The following PCDHGA5 variants were observed in gnomAD, a reference collection of about 807,000 sequenced individuals.
PCDHGA5 encodes the protein protocadherin gamma-A5.
PCDHGA5 carries 36 observed loss-of-function variants against 56.7 expected under a neutral mutation model. The observed-to-expected ratio is 0.64, with a 90% CI of 0.49 to 0.84. The LOEUF (loss-of-function observed/expected upper bound fraction) is 0.84, where lower values mean the gene tolerates loss of function less well. PCDHGA5 is among the 40% of genes least tolerant of loss of function. PCDHGA5 has a pLI of 0.00. For missense variants in PCDHGA5, 1,305 were observed against 1,201.5 expected, an observed-to-expected ratio of 1.09 and a Z score of -1.27; for synonymous variants, 563 against 520.2, an observed-to-expected ratio of 1.08 and a Z score of -1.12.
intron 1 of PCDHGA5, among the ~76,000 whole-genome samples, chr5:141,479,077 A>G (rs1393042749): frequency 6.6e-6 from 1 of 152,224 alleles, no homozygotes; most frequent in Non-Finnish European, 1.5e-5. Context: ...ATGAAATGAA[A>G]TTCCAGGCAT....
intron 1 of PCDHGA5, chr5:141,390,412 C>A: frequency 8.3e-7 from 1 of 1,206,056 alleles, no homozygotes; most frequent in Admixed American, 2.5e-5. Flanking sequence ...AAGTTGTAGT[C>A]AGTTAAAAAG....
At chr5:141,389,859 C>A (rs1228335415) in intron 1 of PCDHGA5, 1 of 1,614,076 alleles carries the variant, frequency 6.2e-7, no homozygotes, top group Non-Finnish European at 8.5e-7. Flanking sequence ...TGCCACGTTG[C>A]ACCTGGTCTT....
intron 1 of PCDHGA5, chr5:141,413,721 C>A (rs779673406): frequency 6.2e-7 from 1 of 1,613,592 alleles, no homozygotes. Context: ...ATAAGCACTT[C>A]TCCCTAAGAG....
chr5:141,480,407 C>T (rs906445993), intron 1 of PCDHGA5, among the ~76,000 whole-genome samples: 1 of 139,782 alleles, frequency 7.2e-6, no homozygotes, highest in Admixed American at 7.0e-5. Context: ...AGAGTGAGAC[C>T]CTGTCTCAAA....
At chr5:141,387,213 G>C (rs1279285840) in intron 1 of PCDHGA5, among the ~76,000 whole-genome samples, 4 of 152,128 alleles carry the variant, frequency 2.6e-5, no homozygotes, top group Admixed American at 1.3e-4. Flanking sequence ...ATACTCTCCG[G>C]AAAAAGTTGA....
At position 141,393,547 on chromosome 5, in the gene PCDHGA5, C is replaced by G. The variant is rs761723933; in HGVS notation, c.2421+26796C>G. 11 of 1,613,820 alleles carry G rather than the reference C, an allele frequency of 6.8e-6. No homozygotes were observed. The African/African-American group carries it at 9.3e-5, about 14-fold the overall frequency. On this transcript the variant is annotated intron_variant, in intron 1 of 3. Transcript: ENST00000518069. ...GACAATGCCCCGGTTTTTCCTCACCCGATTTACCGAGTGAAAGTCCTTGAG... is the reference window on the plus strand; with the variant it reads ...GACAATGCCCCGGTTTTTCCTCACCGGATTTACCGAGTGAAAGTCCTTGAG...
At chr5:141,368,749 A>T (rs1765836759) in intron 1 of PCDHGA5, among the ~76,000 whole-genome samples, 1 of 152,194 alleles carries the variant, frequency 6.6e-6, no homozygotes. Flanking sequence ...ATACTTTTAA[A>T]TATCTGAATC....
At chr5:141,409,792 C>T in intron 1 of PCDHGA5, 1 of 1,612,068 alleles carries the variant, frequency 6.2e-7, no homozygotes, top group African/African-American at 1.3e-5. Flanking sequence ...CCTTCGCGCT[C>T]ACGCTGCAGG....
chr5:141,372,601 T>C, intron 1 of PCDHGA5: 1 of 1,614,028 alleles, frequency 6.2e-7, no homozygotes, highest in Non-Finnish European at 8.5e-7. Context: ...TTCAAGACTG[T>C]ACCTGGAGTT....
At chr5:141,415,366 G>T in intron 1 of PCDHGA5, 1 of 1,614,252 alleles carries the variant, frequency 6.2e-7, no homozygotes, top group South Asian at 1.1e-5. Flanking sequence ...CCTGCTGCAG[G>T]CTTCAGGAGG....
At chr5:141,430,373 A>G (rs1456234962) in intron 1 of PCDHGA5, among the ~76,000 whole-genome samples, 1 of 151,170 alleles carries the variant, frequency 6.6e-6, no homozygotes, top group Non-Finnish European at 1.5e-5. Flanking sequence ...GGGAAAAAAA[A>G]GCTCATTGGG....
In PCDHGA5 at chr5:141,432,958, A is replaced by C; in HGVS notation, c.2422-61849A>C. 6.2e-7 allele frequency: 1 copy of C among 1,614,182 alleles called. No individual in the cohort carries two copies. Among genetic ancestry groups the C allele is most frequent in the African/African-American group, 1.3e-5 (1 of 75,056 alleles). On this transcript the variant is annotated intron_variant, in intron 1 of 3. Transcript: ENST00000518069. This position sits in a 1 kb window ranked among gnomAD's most constrained non-coding sequence, Gnocchi z 6.0. ...TGCAGGCTTCAGGAGGCGGCTTGAC[A>C]GGAGCGCCGGCGTCGCACTTTGTGG...
chr5:141,497,032 T>C (rs1206131945), intron 2 of PCDHGA5, among the ~76,000 whole-genome samples: 1 of 151,652 alleles, frequency 6.6e-6, no homozygotes, highest in East Asian at 1.9e-4. Flanking sequence ...CGATTAAAAA[T>C]ACAAAAATTA....
chr5:141,377,395 C>T (rs1468880998), intron 1 of PCDHGA5: 1 of 151,984 alleles, frequency 6.6e-6, no homozygotes, highest in Non-Finnish European at 1.5e-5. Context: ...CCCTTGAGAC[C>T]AGGAGTTTGA....
intron 1 of PCDHGA5, chr5:141,399,413 C>T (rs1456440098): frequency 2.5e-5 from 41 of 1,613,930 alleles, no homozygotes; most frequent in Non-Finnish European, 3.2e-5. Context: ...CCGCCCCTCT[C>T]CTCCAGCATA....
At chr5:141,369,704 C>T (rs1256951546) in intron 1 of PCDHGA5, among the ~76,000 whole-genome samples, 1 of 152,224 alleles carries the variant, frequency 6.6e-6, no homozygotes, top group Non-Finnish European at 1.5e-5. Context: ...AAAGCTATGA[C>T]ATTATAACTT....
intron 1 of PCDHGA5, chr5:141,367,869 G>A (rs1765370199): frequency 6.6e-6 from 1 of 152,012 alleles, no homozygotes; most frequent in Non-Finnish European, 1.5e-5. Context: ...AAGTGTAGGT[G>A]CAATTCTTCT....
chr5:141,473,974 C>T (rs958240236), intron 1 of PCDHGA5, among the ~76,000 whole-genome samples: 12 of 152,172 alleles, frequency 7.9e-5, no homozygotes, highest in Admixed American at 1.3e-4. Flanking sequence ...AAGTCTGAGG[C>T]GGGAGGATCC....
chr5:141,454,575 T>G (rs1430018751), intron 1 of PCDHGA5, among the ~76,000 whole-genome samples: 1 of 151,400 alleles, frequency 6.6e-6, no homozygotes, highest in African/African-American at 2.4e-5. Context: ...CCCGGCTAAT[T>G]TTGTATTTTT....
Sources: allele counts gnomAD v4.1 joint callset (sites outside exome capture counted in the v4.1 genomes callset), GRCh38; gene constraint gnomAD v4.1.1; non-coding constraint Gnocchi (gnomAD v3.1); transcripts MANE v1.5; gene names NCBI Gene and HGNC (gene_info 2026-07-23, HGNC 2026-07-21).